Variants in TMEM40 observed in about 807,000 individuals in gnomAD.
The protein encoded by TMEM40 is transmembrane protein 40.
In TMEM40, 34 loss-of-function variants were observed where a neutral mutation model predicts 40.8. That is an observed-to-expected ratio of 0.83 (90% CI 0.63 to 1.11). The LOEUF (loss-of-function observed/expected upper bound fraction) is 1.11. Among genes scored for constraint, TMEM40 ranks in the 50% least tolerant of loss-of-function variants. TMEM40 has a pLI of 0.00. For missense variants in TMEM40, 296 were observed against 280.2 expected, an observed-to-expected ratio of 1.06 and a Z score of -0.40; for synonymous variants, 106 against 107.0, an observed-to-expected ratio of 0.99 and a Z score of 0.06.
chr3:12,737,580 G>A, intron 8 of TMEM40, 127 bp downstream of exon 8: 1 of 838,108 alleles, frequency 1.2e-6, no homozygotes, highest in Non-Finnish European at 2.0e-6. Flanking sequence ...GCTGAGTAAT[G>A]TGTAAACTGC....
At chr3:12,738,524 C>T (rs370464453) in intron 6 of TMEM40, 29 bp downstream of exon 6, 44 of 1,613,352 alleles carry the variant, frequency 2.7e-5, no homozygotes, top group South Asian at 2.5e-4. Flanking sequence ...CCAGCACCAA[C>T]GACCTCTCTC....
At chr3:12,750,509 G>A (rs1399505461) in intron 1 of TMEM40, among the ~76,000 whole-genome samples, 2 of 152,192 alleles carry the variant, frequency 1.3e-5, no homozygotes, top group Non-Finnish European at 2.9e-5. Flanking sequence ...GCCAGGAAGT[G>A]CAGGCTTCCT....
intron 1 of TMEM40, among the ~76,000 whole-genome samples, chr3:12,764,733 C>T (rs2061586344): frequency 1.3e-5 from 2 of 152,172 alleles, no homozygotes; most frequent in South Asian, 4.1e-4. Context: ...GATCTCGTTA[C>T]CTGAGGGCTC....
At position 12,737,512 on chromosome 3, in the gene TMEM40, T is replaced by G. The variant is rs1447925181; in HGVS notation, c.472+195A>C. 4.9e-6 allele frequency: 3 copies of G among 616,458 alleles called. No individual in the cohort carries two copies. In the African/African-American group the frequency reaches 5.6e-5, roughly 11 times the overall value. 38.2% of individuals were successfully genotyped at this position (616,458 alleles called of 1,614,324 possible). A position where few individuals can be genotyped will look rare whatever the true frequency, so the allele number is the denominator to read the frequency against. On this transcript the variant is annotated intron_variant, in intron 8 of 11. Coordinates refer to ENST00000314124, the MANE Select transcript of TMEM40 (RefSeq NM_018306.4). ...TAAGGCCACTCCCCAACCTTGAACC[T>G]CAGTTTTCATATCTGCAAAATGGGA...
chr3:12,767,370 A>C (rs2061598795), intron 1 of TMEM40, among the ~76,000 whole-genome samples: 1 of 152,162 alleles, frequency 6.6e-6, no homozygotes, highest in South Asian at 2.1e-4. Flanking sequence ...GGGGACAACC[A>C]TGGTGAGGGC....
chr3:12,757,017 G>C (rs2061534066), intron 1 of TMEM40, among the ~76,000 whole-genome samples: 1 of 152,152 alleles, frequency 6.6e-6, no homozygotes, highest in Non-Finnish European at 1.5e-5. Context: ...CCTGGAGCGT[G>C]TCACATCCAT....
Position 12,738,547 on chromosome 3 carries a change from A to G in TMEM40, c.391+6T>C, listed in dbSNP as rs769264542. On this transcript the variant is annotated splice_donor_region_variant and intron_variant, in intron 6 of 11. Coordinates refer to ENST00000314124, the MANE Select transcript of TMEM40 (RefSeq NM_018306.4). ...AACGACCTCTCTCCTCTAACTGGACACTCACCTGATTCCCCAGAGGGTACC... is the reference window on the plus strand; with the variant it reads ...AACGACCTCTCTCCTCTAACTGGACGCTCACCTGATTCCCCAGAGGGTACC... The G allele has an allele frequency of 6.2e-7, 1 of 1,613,854 alleles. No homozygotes were observed. The highest frequency in any genetic ancestry group is 8.5e-7 in the Non-Finnish European group (1 of 1,179,950).
intron 11 of TMEM40, among the ~76,000 whole-genome samples, chr3:12,735,135 T>G (rs1392627015): frequency 1.3e-5 from 2 of 152,202 alleles, no homozygotes; most frequent in African/African-American, 4.8e-5. Context: ...TCCACCTCTC[T>G]GAGCCTCATT....
chr3:12,769,252 T>C, exon 1 of TMEM40: 3 of 416,486 alleles, frequency 7.2e-6, no homozygotes, highest in South Asian at 1.6e-5. Flanking sequence ...TCTCCATACC[T>C]CCCGGAAGGC....
intron 1 of TMEM40, among the ~76,000 whole-genome samples, chr3:12,764,867 A>G (rs1401191816): frequency 2.0e-5 from 3 of 151,974 alleles, no homozygotes; most frequent in Non-Finnish European, 2.9e-5. Flanking sequence ...TTAATATTTA[A>G]GTTTTGTTTT....
intron 1 of TMEM40, among the ~76,000 whole-genome samples, chr3:12,751,030 T>C (rs2106616705): frequency 6.6e-6 from 1 of 152,226 alleles, no homozygotes; most frequent in East Asian, 1.9e-4. Context: ...ATCCTGCCTC[T>C]GCCTCTTCTA....
At chr3:12,743,862 G>A (rs762726308) in intron 4 of TMEM40, 38 bp downstream of exon 4, 47 of 1,589,308 alleles carry the variant, frequency 3.0e-5, no homozygotes, top group South Asian at 1.8e-4. Flanking sequence ...AACGGTGAGC[G>A]AGTGGGCAAA....
intron 5 of TMEM40, among the ~76,000 whole-genome samples, chr3:12,742,125 G>C (rs2061388064): frequency 6.6e-6 from 1 of 152,172 alleles, no homozygotes; most frequent in Non-Finnish European, 1.5e-5. Context: ...ACCTACTCGG[G>C]AGGCTGAGGC....
exon 1 of TMEM40, chr3:12,769,439 TAGTTAAACA>T (rs920738250): frequency 1.2e-5 from 2 of 168,762 alleles, no homozygotes; most frequent in African/African-American, 4.8e-5. Flanking sequence ...GAGCCACCCT[TAGTTAAACA>T]AGTTAAAAAG....
At chr3:12,763,808 A>T (rs184933781), upstream of TMEM40, among the ~76,000 whole-genome samples, 59 of 152,340 alleles carry the variant, frequency 3.9e-4, no homozygotes, top group African/African-American at 1.3e-3. Context: ...GGAACTCCCC[A>T]GTGACTTCCT....
At chr3:12,740,546 CAA>C (rs780832284) in intron 5 of TMEM40, among the ~76,000 whole-genome samples, 16 of 47,470 alleles carry the variant, frequency 3.4e-4, no homozygotes, top group Non-Finnish European at 3.2e-4. Flanking sequence ...CTAAAAATAC[CAA>C]AAAAAAAAAA....
chr3:12,751,860 C>T (rs776036459), intron 1 of TMEM40, among the ~76,000 whole-genome samples: 9 of 152,044 alleles, frequency 5.9e-5, no homozygotes, highest in Admixed American at 3.3e-4. Flanking sequence ...TCAGATAGAC[C>T]GAAGTTTACA....
chr3:12,762,234 T>C (rs1018224581), upstream of TMEM40, among the ~76,000 whole-genome samples: 4 of 152,220 alleles, frequency 2.6e-5, no homozygotes, highest in Non-Finnish European at 4.4e-5. Flanking sequence ...GTTCCCAAAG[T>C]GCTGGGATTT....
At chr3:12,745,956 G>A (rs556218671) in intron 3 of TMEM40, among the ~76,000 whole-genome samples, 29 of 151,356 alleles carry the variant, frequency 1.9e-4, no homozygotes, top group Non-Finnish European at 3.1e-4. Context: ...GGAGTGCAGC[G>A]GTGCAATCTC....
Sources: allele counts gnomAD v4.1 joint callset (sites outside exome capture counted in the v4.1 genomes callset), GRCh38; gene constraint gnomAD v4.1.1; transcripts MANE v1.5; gene names NCBI Gene and HGNC (gene_info 2026-07-23, HGNC 2026-07-21).